Variants in CHD2 observed in about 807,000 individuals in gnomAD.
The protein encoded by CHD2 is ATP-dependent chromatin remodeler CHD2.
CHD2 carries 28 observed loss-of-function variants against 243.9 expected under a neutral mutation model. The ratio of observed to expected loss-of-function variants is 0.11; its 90% CI spans 0.09 to 0.16. The LOEUF is 0.16. Among genes scored for constraint, CHD2 ranks in the 10% least tolerant of loss-of-function variants. CHD2 has a pLI of 1.00. For synonymous variants in CHD2, 775 were observed against 779.0 expected, an observed-to-expected ratio of 0.99 and a Z score of 0.09; for missense variants, 1,386 against 2,209.8, an observed-to-expected ratio of 0.63 and a Z score of 7.47.
chr15:92,900,722 C>A lies in CHD2; in HGVS notation c.-174C>A. ...TTTGAGGGTTATTTTATTTATTTTT[C>A]GTTTTTTAACGGAGGATTTTGCCTT... is the stretch of plus-strand genomic sequence containing the variant. On this transcript the variant is annotated 5_prime_UTR_variant, in exon 1 of 39. Transcript: ENST00000394196. 2.5e-6 allele frequency: 1 copy of A among 396,862 alleles called. No homozygotes were observed. The highest frequency in any genetic ancestry group is 1.3e-4 in the South Asian group (1 of 7,460). 24.6% of individuals were successfully genotyped at this position (396,862 alleles called of 1,614,324 possible).
intron 7 of CHD2, among the ~76,000 whole-genome samples, 157 bp from the exon 8 acceptor site, chr15:92,941,665 A>C (rs962829534): frequency 6.6e-6 from 1 of 152,228 alleles, no homozygotes; most frequent in Non-Finnish European, 1.5e-5. Context: ...TTTAGGAAAA[A>C]AAAGTAAGCT....
At chr15:92,973,565 C>G (rs2053870344) in intron 19 of CHD2, among the ~76,000 whole-genome samples, 1 of 152,170 alleles carries the variant, frequency 6.6e-6, no homozygotes, top group Non-Finnish European at 1.5e-5. Flanking sequence ...TCAAAATACC[C>G]TGAAAGGCAT....
chr15:92,959,781 T>A (rs1436649708), intron 16 of CHD2, among the ~76,000 whole-genome samples: 1 of 152,240 alleles, frequency 6.6e-6, no homozygotes, highest in Non-Finnish European at 1.5e-5. Context: ...CGTGAGCCAC[T>A]GCACCCGGCC....
intron 38 of CHD2, among the ~76,000 whole-genome samples, chr15:93,023,805 A>G (rs758081530): frequency 3.3e-5 from 5 of 151,416 alleles, no homozygotes; most frequent in Admixed American, 6.6e-5. Flanking sequence ...GGCCATTTGT[A>G]TAGCTTCTTT....
At position 92,953,436 on chromosome 15, in the gene CHD2, C is replaced by G. The variant is rs776364124; in HGVS notation, c.1582C>G (p.His528Asp). The G allele has an allele frequency of 5.6e-6, 9 of 1,614,004 alleles. No individual in the cohort carries two copies. The highest frequency in any genetic ancestry group is 7.6e-6 in the Non-Finnish European group (9 of 1,180,018). ...CATATCATTCCTCTCCTACCTGTTC[C>G]ACCAACACCAGCTGTATGGCCCCTT... ...QTISFLSYLF[H>D]QHQLYGPFLI... is the part of the protein sequence containing the mutation. Residue 528 changes from histidine (H) to aspartate (D), a missense_variant, in exon 14 of 39, where the codon CAC becomes GAC. This residue lies in a region of CHD2 where 63 missense variants were observed against 108.8 expected (regional missense o/e 0.58). Coordinates refer to ENST00000394196, the MANE Select transcript of CHD2 (RefSeq NM_001271.4).
chr15:93,004,771 G>C lies in CHD2; in HGVS notation c.4413+20G>C. The C allele has an allele frequency of 6.2e-7, 1 of 1,605,838 alleles. No homozygotes were observed. The highest frequency in any genetic ancestry group is 8.5e-7 in the Non-Finnish European group (1 of 1,175,220). On this transcript the variant is annotated intron_variant, in intron 34 of 38. Transcript: ENST00000394196. ...AGCATAGTAAGTCTTGAAATCGGGG[G>C]GTGCCAGTGTCTGCAGCCGCGGTAC...
chr15:92,994,844 C>T (rs2054167410), intron 28 of CHD2, among the ~76,000 whole-genome samples: 1 of 152,176 alleles, frequency 6.6e-6, no homozygotes, highest in African/African-American at 2.4e-5. Context: ...TGCATGTCCA[C>T]ATTCTGGATC....
rs1309073399 is a variant in CHD2 at position 92,937,642 on chromosome 15, A to C, written c.551+17A>C. 7.0e-6 allele frequency: 11 copies of C among 1,580,326 alleles called. No homozygotes were observed. The highest frequency in any genetic ancestry group is 9.5e-6 in the Non-Finnish European group (11 of 1,153,792). On this transcript the variant is annotated intron_variant, in intron 6 of 38. Transcript: ENST00000394196. ...CCCCAGAAGGTGCACTGTTTGCTTAAGATCTCTACTTGGGATGAGCTTAAT... is the reference window on the plus strand; with the variant it reads ...CCCCAGAAGGTGCACTGTTTGCTTACGATCTCTACTTGGGATGAGCTTAAT...
chr15:92,912,769 C>CAG (rs1201950768), intron 2 of CHD2, among the ~76,000 whole-genome samples: 6 of 151,574 alleles, frequency 4.0e-5, no homozygotes, highest in Admixed American at 1.3e-4. Flanking sequence ...CTCCTGACCT[C>CAG]GTGATCCGCC....
chr15:92,947,889 A>G (rs567881398), intron 12 of CHD2, among the ~76,000 whole-genome samples: 5 of 152,318 alleles, frequency 3.3e-5, no homozygotes, highest in Admixed American at 1.3e-4. Context: ...AATGTGTGCT[A>G]TAGAGCACTA....
chr15:92,940,038 T>G (rs547363138), intron 7 of CHD2, among the ~76,000 whole-genome samples: 2 of 152,354 alleles, frequency 1.3e-5, no homozygotes, highest in South Asian at 4.1e-4. Flanking sequence ...TTGGATTATA[T>G]TCCTACTTCT....
At chr15:92,976,923 T>TA (rs939493996) in intron 20 of CHD2, among the ~76,000 whole-genome samples, 4 of 152,004 alleles carry the variant, frequency 2.6e-5, no homozygotes, top group Non-Finnish European at 4.4e-5. Context: ...ATTTTTTTTT[T>TA]AAATTTCTAA....
At chr15:92,971,651 T>G in intron 17 of CHD2, 114 bp from the exon 18 acceptor site, 1 of 833,768 alleles carries the variant, frequency 1.2e-6, no homozygotes, top group Non-Finnish European at 1.7e-6. Flanking sequence ...TTCTTAAACT[T>G]TTTTAGGCCT....
At chr15:92,968,116 A>C (rs1473140673) in intron 17 of CHD2, among the ~76,000 whole-genome samples, 1 of 127,982 alleles carries the variant, frequency 7.8e-6, no homozygotes, top group Non-Finnish European at 1.7e-5. Context: ...AGTATATTTT[A>C]ATCAATTTAT....
chr15:92,906,217 G>A (rs893448264), intron 2 of CHD2, among the ~76,000 whole-genome samples: 2 of 152,094 alleles, frequency 1.3e-5, no homozygotes, highest in African/African-American at 4.8e-5. Flanking sequence ...ATAGCATCAA[G>A]CAGCAAGAAA....
intron 9 of CHD2, 34 bp downstream of exon 9, chr15:92,943,102 T>C (rs758616813): frequency 6.6e-7 from 1 of 1,525,886 alleles, no homozygotes; most frequent in South Asian, 1.1e-5. Flanking sequence ...AGAAATGTAT[T>C]TGCAGCCTGA....
chr15:92,940,438 T>A (rs2046989347), intron 7 of CHD2, among the ~76,000 whole-genome samples: 2 of 151,710 alleles, frequency 1.3e-5, no homozygotes, highest in Admixed American at 1.3e-4. Context: ...AAAAGCTAGA[T>A]CCTGTCTCAA....
intron 37 of CHD2, among the ~76,000 whole-genome samples, chr15:93,017,485 C>T (rs973922869): frequency 7.4e-5 from 11 of 147,684 alleles, no homozygotes; most frequent in African/African-American, 2.7e-4. Context: ...ACCACCATGC[C>T]GGGCTAATTT....
At chr15:92,943,743 G>C (rs1162256439) in intron 9 of CHD2, 1 of 153,152 alleles carries the variant, frequency 6.5e-6, no homozygotes, top group African/African-American at 2.4e-5. Flanking sequence ...ATACCTGTCT[G>C]TGTGGTGTGA....
Sources: gnomAD v4.1 joint callset for allele counts (sites outside exome capture counted in the v4.1 genomes callset) on GRCh38, gnomAD v4.1.1 for gene constraint, gnomAD v4.1.1 regional missense constraint, MANE v1.5 for transcripts, NCBI Gene and HGNC (gene_info 2026-07-23, HGNC 2026-07-21) for gene names.